PDE4D: variants seen among roughly 807,000 people sequenced by gnomAD.
The protein encoded by PDE4D is 3',5'-cyclic-AMP phosphodiesterase 4D.
In PDE4D, 24 loss-of-function variants were observed where a neutral mutation model predicts 87.4. The observed-to-expected ratio is 0.27, with a 90% CI of 0.20 to 0.39. The LOEUF (loss-of-function observed/expected upper bound fraction) is 0.39, where lower values mean the gene tolerates loss of function less well. PDE4D is among the 10% of genes least tolerant of loss of function. The pLI is 1.00. For missense variants in PDE4D, 714 were observed against 1,041.0 expected (o/e 0.69, Z 4.32); for synonymous variants, 384 against 383.2 (o/e 1.00, Z -0.02).
intron 5 of PDE4D, among the ~76,000 whole-genome samples, chr5:59,082,829 C>T (rs1265095772): frequency 2.6e-5 from 4 of 152,076 alleles, no homozygotes; most frequent in African/African-American, 9.7e-5. Context: ...GTGATGTCTA[C>T]TTTCTTCTTG....
intron 1 of PDE4D, among the ~76,000 whole-genome samples, chr5:59,338,217 G>C (rs114013351): frequency 2.2e-4 from 33 of 152,246 alleles, no homozygotes; most frequent in African/African-American, 7.7e-4. Flanking sequence ...AATCAACTGA[G>C]GTAATAAGGA....
At chr5:60,048,364 C>A (rs1307285601) in intron 2 of PDE4D, among the ~76,000 whole-genome samples, 2 of 152,076 alleles carry the variant, frequency 1.3e-5, no homozygotes, top group Non-Finnish European at 2.9e-5. Flanking sequence ...AGTCCATTTA[C>A]ATTTAAAGTT....
rs932027290 is a variant in PDE4D at position 59,893,232 on chromosome 5, C to G, written c.391G>C (p.Gly131Arg). 2.6e-6 allele frequency: 4 copies of G among 1,558,584 alleles called. No homozygotes were observed. In the Admixed American group the frequency reaches 5.8e-5, roughly 22 times the overall value. The change falls in exon 1 of 15, where the codon GGC becomes CGC. Residue 131 changes from glycine to arginine, a missense_variant. Around this residue, in one of 7 missense-constraint regions of PDE4D, gnomAD observed 268 missense variants for 272.9 expected, o/e 0.98. Transcript: ENST00000340635. ...MDRTSYAVETGHRPGLKKSRM... is the reference protein window; with the variant it reads ...MDRTSYAVETRHRPGLKKSRM... ...GATTTCTTCAGGCCGGGCCGGTGGC[C>G]GGTCTCCACCGCGTAGGAGGTGCGG...
At chr5:59,485,760 C>T (rs1805026422) in intron 1 of PDE4D, among the ~76,000 whole-genome samples, 1 of 152,068 alleles carries the variant, frequency 6.6e-6, no homozygotes, top group Admixed American at 6.6e-5. Flanking sequence ...ATGATTAACA[C>T]TCAGACATTC....
rs146833989 is a variant in PDE4D at position 59,919,747 on chromosome 5, AC to A, written c.272+68740del. 5.5e-3 allele frequency among the ~76,000 whole-genome samples: 832 copies of A among 152,286 alleles called. 6 individuals are homozygous for A. Among genetic ancestry groups the A allele is most frequent in the African/African-American group, 0.019 (793 of 41,566 alleles). On this transcript the variant is annotated intron_variant, in intron 3 of 16. Coordinates refer to the PDE4D transcript ENST00000502484. ...CAGGTCAGTGCCTGCCACAAAGTAG[AC>A]ACTGAATAAACATTTGGGAACTTTT...
chr5:59,451,263 T>C (rs73760361), intron 1 of PDE4D, among the ~76,000 whole-genome samples: 3,798 of 152,322 alleles, frequency 0.025, 168 homozygotes, highest in African/African-American at 0.087. Flanking sequence ...ATGTCTTTCA[T>C]TTCAGCTTTG....
chr5:59,762,613 CATATGTGT>C (rs1269546362), intron 1 of PDE4D, among the ~76,000 whole-genome samples: 1 of 141,708 alleles, frequency 7.1e-6, no homozygotes, highest in African/African-American at 2.6e-5. Flanking sequence ...TATATAGGTA[CATATGTGT>C]ATATGTGTAT....
At chr5:59,896,385 T>C (rs1751656142), upstream of PDE4D, among the ~76,000 whole-genome samples, 2 of 151,924 alleles carry the variant, frequency 1.3e-5, no homozygotes, top group African/African-American at 4.8e-5. Context: ...AAATGTCTGA[T>C]GTTGAACCTA....
intron 1 of PDE4D, among the ~76,000 whole-genome samples, chr5:59,303,968 G>A (rs1284709701): frequency 2.6e-5 from 4 of 151,868 alleles, no homozygotes; most frequent in African/African-American, 7.3e-5. Flanking sequence ...TGAATTTGTA[G>A]GTTGCTTTTG....
At chr5:59,554,036 G>A (rs939998733) in intron 1 of PDE4D, among the ~76,000 whole-genome samples, 11 of 152,066 alleles carry the variant, frequency 7.2e-5, no homozygotes, top group African/African-American at 2.2e-4. Flanking sequence ...CAGCCCTAAG[G>A]AAAAAGAGCA....
intron 1 of PDE4D, among the ~76,000 whole-genome samples, chr5:59,546,621 A>G (rs1817310790): frequency 1.3e-5 from 2 of 152,168 alleles, no homozygotes; most frequent in South Asian, 4.1e-4. Flanking sequence ...AATTCCTAAG[A>G]AAGCCTTCCT....
intron 5 of PDE4D, among the ~76,000 whole-genome samples, chr5:59,179,457 C>T (rs1470700642): frequency 2.0e-5 from 3 of 152,124 alleles, no homozygotes; most frequent in African/African-American, 7.2e-5. Context: ...CATATATGTA[C>T]TATAAAATGA....
At position 59,874,550 on chromosome 5, in the gene PDE4D, T is replaced by A. The variant is rs181685722; in HGVS notation, c.455+18618A>T. Among the ~76,000 whole-genome samples, 9 of 152,294 alleles carry A rather than the reference T, an allele frequency of 5.9e-5. No homozygotes were observed. In the East Asian group the frequency reaches 1.5e-3, roughly 26 times the overall value. On this transcript the variant is annotated intron_variant, in intron 1 of 14. Transcript: ENST00000340635. ...AATAGACCTGTGTTTCTTTACTCTC[T>A]CTACTGGTTATGATTTCTTATCCAT... is the stretch of plus-strand genomic sequence containing the variant.
chr5:59,770,703 T>C (rs1194196404), intron 1 of PDE4D, among the ~76,000 whole-genome samples: 2 of 152,062 alleles, frequency 1.3e-5, no homozygotes, highest in Admixed American at 6.5e-5. Context: ...GAAAAACTAA[T>C]ATGTATTAAA....
At chr5:59,619,507 T>C (rs1180746892) in intron 1 of PDE4D, among the ~76,000 whole-genome samples, 1 of 152,164 alleles carries the variant, frequency 6.6e-6, no homozygotes, top group East Asian at 1.9e-4. Context: ...TGATCGAGCA[T>C]AGCAAGCGGA....
intron 1 of PDE4D, among the ~76,000 whole-genome samples, chr5:59,621,879 T>C (rs1429327648): frequency 2.6e-5 from 4 of 152,202 alleles, no homozygotes; most frequent in Non-Finnish European, 5.9e-5. Context: ...CCAACAACTA[T>C]GTGAAATCTG....
At chr5:60,491,215 T>C (rs1350241766), upstream of PDE4D, 6 of 151,934 alleles carry the variant, frequency 3.9e-5, no homozygotes, top group Admixed American at 6.5e-5. Flanking sequence ...CTGCCTCATC[T>C]TAACAAAGCA....
At chr5:59,663,985 T>C (rs1745664608) in intron 1 of PDE4D, among the ~76,000 whole-genome samples, 1 of 152,192 alleles carries the variant, frequency 6.6e-6, no homozygotes, top group African/African-American at 2.4e-5. Context: ...TGTTTTAAAA[T>C]TGAAGCCAAT....
chr5:59,624,286 A>C (rs1207246968), intron 1 of PDE4D, among the ~76,000 whole-genome samples: 1 of 146,752 alleles, frequency 6.8e-6, no homozygotes, highest in African/African-American at 2.5e-5. Flanking sequence ...TGACATCTTC[A>C]GTCTATCCCT....
Sources: gnomAD v4.1 joint callset for allele counts (sites outside exome capture counted in the v4.1 genomes callset) on GRCh38, gnomAD v4.1.1 for gene constraint, gnomAD v4.1.1 regional missense constraint, MANE v1.5 for transcripts, NCBI Gene and HGNC (gene_info 2026-07-23, HGNC 2026-07-21) for gene names.